The following RBL1 variants were observed in gnomAD, a reference collection of about 807,000 sequenced individuals.
RBL1 encodes RB transcriptional corepressor like 1.
In RBL1, 82 loss-of-function variants were observed where a neutral mutation model predicts 123.0. The ratio of observed to expected loss-of-function variants is 0.67; its 90% CI spans 0.56 to 0.80. The LOEUF (loss-of-function observed/expected upper bound fraction) is 0.80, where lower values mean the gene tolerates loss of function less well. RBL1 is among the 30% of genes least tolerant of loss of function. The probability of loss-of-function intolerance (pLI) is 0.00; values close to 1 mark genes in which losing one functional copy is unlikely to be tolerated. For missense variants in RBL1, 1,171 were observed against 1,299.6 expected (o/e 0.90, Z 1.52); for synonymous variants, 405 against 441.3 (o/e 0.92, Z 1.03).
chr20:37,023,334 G>T (rs1279179692), intron 16 of RBL1, among the ~76,000 whole-genome samples: 1 of 152,076 alleles, frequency 6.6e-6, no homozygotes, highest in Admixed American at 6.6e-5. Flanking sequence ...TGTTGGCCAG[G>T]CTGGTCTTTA....
intron 1 of RBL1, among the ~76,000 whole-genome samples, chr20:37,089,994 G>T (rs560593338): frequency 3.9e-4 from 60 of 152,358 alleles, no homozygotes; most frequent in Middle Eastern, 3.4e-3. Context: ...AGAGGTTGCA[G>T]TGAGTAGAGA....
intron 13 of RBL1, among the ~76,000 whole-genome samples, chr20:37,040,683 A>AT (rs1346603050): frequency 6.6e-6 from 1 of 152,088 alleles, no homozygotes; most frequent in African/African-American, 2.4e-5. Flanking sequence ...TTTTTTTACT[A>AT]TTTTATTTCT....
Position 37,007,423 on chromosome 20 carries a change from A to T in RBL1, c.2859T>A (p.Asn953Lys). Residue 953 changes from asparagine (N) to lysine (K), a missense_variant, in exon 20 of 22, where the codon AAT (asparagine) becomes AAA (lysine). Physicochemically the swap from Asn to Lys is moderately conservative, Grantham distance 94 (BLOSUM62 0). Transcript: ENST00000373664. Reference sequence around the variant, plus strand: ...ACATAGAACATACCATATGGTCCTGATTCGCCAAGTCGTATTTCAGTGCAA... The same window carrying T: ...ACATAGAACATACCATATGGTCCTGTTTCGCCAAGTCGTATTTCAGTGCAA... ...KSFALKYDLA[N>K]QDHMMDAPPL... 6.2e-7 allele frequency: 1 copy of T among 1,613,824 alleles called. No individual in the cohort carries two copies. Among genetic ancestry groups the T allele is most frequent in the East Asian group, 2.2e-5 (1 of 44,872 alleles).
intron 19 of RBL1, among the ~76,000 whole-genome samples, chr20:37,017,352 G>A (rs2146220606): frequency 6.7e-6 from 1 of 150,116 alleles, no homozygotes; most frequent in East Asian, 1.9e-4. Flanking sequence ...CAGTGTAGGT[G>A]ACAGAACAAA....
At chr20:37,062,416 T>C in intron 7 of RBL1, 146 bp from the exon 8 acceptor site, 1 of 1,362,820 alleles carries the variant, frequency 7.3e-7, no homozygotes, top group Non-Finnish European at 9.6e-7. Context: ...TATCAGAGGG[T>C]CCTACCTGAT....
At position 37,036,224 on chromosome 20, in the gene RBL1, T is replaced by C. The variant is rs190439224; in HGVS notation, c.1904-716A>G. Among the ~76,000 whole-genome samples, 225 of 152,314 alleles carry C rather than the reference T, an allele frequency of 1.5e-3. 1 individual carries two copies. The highest frequency in any genetic ancestry group is 1.4e-3 in the Non-Finnish European group (92 of 68,024). ...TTTTCTACATCTTTTTTCACAATTC[T>C]TCCCTCAACCAATTATTCCTTACAG... On this transcript the variant is annotated intron_variant, in intron 14 of 21. Transcript: ENST00000373664.
Position 37,056,274 on chromosome 20 carries a change from G to A in RBL1, c.1251-16C>T. The A allele has an allele frequency of 6.3e-7, 1 of 1,580,050 alleles. No homozygotes were observed. Among genetic ancestry groups the A allele is most frequent in the African/African-American group, 1.4e-5 (1 of 73,184 alleles). ...CACACAAGATCTACAAAATACAAGAGGAACCAATTACCAAACCAAACAAAA... is the reference window on the plus strand; with the variant it reads ...CACACAAGATCTACAAAATACAAGAAGAACCAATTACCAAACCAAACAAAA... On this transcript the variant is annotated splice_polypyrimidine_tract_variant and intron_variant, in intron 9 of 21. Coordinates refer to ENST00000373664, the MANE Select transcript of RBL1 (RefSeq NM_002895.5).
At chr20:37,005,809 A>C (rs1460573862) in intron 20 of RBL1, among the ~76,000 whole-genome samples, 1 of 152,024 alleles carries the variant, frequency 6.6e-6, no homozygotes, top group African/African-American at 2.4e-5. Context: ...AGAAATCTAC[A>C]GAGGCACATA....
chr20:37,013,288 C>G (rs1335006724), intron 19 of RBL1, among the ~76,000 whole-genome samples: 2 of 151,754 alleles, frequency 1.3e-5, no homozygotes, highest in African/African-American at 2.4e-5. Context: ...TGTGACCTTA[C>G]CCCCAACCCT....
At chr20:37,031,286 T>C (rs74635918) in intron 16 of RBL1, among the ~76,000 whole-genome samples, 1,573 of 152,128 alleles carry the variant, frequency 0.01, 25 homozygotes, top group African/African-American at 0.036. Context: ...TACTTGTAAA[T>C]AGTATATTTT....
chr20:37,034,745 A>C (rs2064574794), intron 15 of RBL1, among the ~76,000 whole-genome samples: 1 of 151,990 alleles, frequency 6.6e-6, no homozygotes. Flanking sequence ...GAGGGTAGTA[A>C]ATTTATAAAA....
intron 16 of RBL1, among the ~76,000 whole-genome samples, chr20:37,030,331 A>G (rs953589243): frequency 6.6e-6 from 1 of 152,238 alleles, no homozygotes; most frequent in Non-Finnish European, 1.5e-5. Context: ...AGCTCATTCA[A>G]TGGGAAAGGG....
intron 19 of RBL1, among the ~76,000 whole-genome samples, chr20:37,017,543 T>C (rs1600470974): frequency 6.6e-6 from 1 of 151,906 alleles, no homozygotes; most frequent in Non-Finnish European, 1.5e-5. Context: ...CTTAGCATGA[T>C]GGTGGCAAGA....
intron 16 of RBL1, among the ~76,000 whole-genome samples, chr20:37,027,166 C>T (rs75948581): frequency 6.6e-4 from 99 of 150,262 alleles, no homozygotes; most frequent in Middle Eastern, 3.4e-3. Flanking sequence ...GGAAACACAG[C>T]GAGACTCCAT....
At position 37,093,645 on chromosome 20, in the gene RBL1, A is replaced by T. The variant is rs1206609170; in HGVS notation, c.156+2128T>A. Reference sequence around the variant, plus strand: ...AAAGAGCAAGACCCTGTTTCTTTCCATTTTTTTTTTTTTTTTGAGATGGAG... The same window carrying T: ...AAAGAGCAAGACCCTGTTTCTTTCCTTTTTTTTTTTTTTTTTGAGATGGAG... On this transcript the variant is annotated intron_variant, in intron 1 of 21. Coordinates refer to ENST00000373664, the MANE Select transcript of RBL1 (RefSeq NM_002895.5). Among the ~76,000 whole-genome samples the T allele has an allele frequency of 2.9e-4, 40 of 136,326 alleles. 1 individual carries two copies. The highest frequency in any genetic ancestry group is 9.6e-5 in the Non-Finnish European group (6 of 62,262). 89.4% of individuals were successfully genotyped at this position (136,326 alleles called of 152,430 possible).
At position 37,065,829 on chromosome 20, in the gene RBL1, G is replaced by A. The variant is rs139826502; in HGVS notation, c.847-356C>T. 2.2e-3 allele frequency among the ~76,000 whole-genome samples: 333 copies of A among 152,084 alleles called. 2 individuals are homozygous for A. Among genetic ancestry groups the A allele is most frequent in the African/African-American group, 7.7e-3 (319 of 41,486 alleles). On this transcript the variant is annotated intron_variant, in intron 6 of 21. Transcript: ENST00000373664. The stretch of plus-strand genomic sequence containing the variant: ...AGGTTTTGCCATGTTGCTCAGGTTC[G>A]TCTGGAACTCTTGGGCTCAAGCAAT...
chr20:37,003,899 A>G lies in RBL1; in HGVS notation c.2872-33T>C, dbSNP rs377026790. The G allele has an allele frequency of 5.1e-4, 792 of 1,552,862 alleles. 1 individual carries two copies. Among genetic ancestry groups the G allele is most frequent in the Admixed American group, 1.3e-3 (66 of 50,562 alleles). ...AACCCAAAAGTCAGATTTTTTAGAT[A>G]AAAGTTTTTCTTTGTTTTTGAATCC... On this transcript the variant is annotated intron_variant, in intron 20 of 21. Transcript: ENST00000373664.
chr20:37,030,599 A>T (rs1237312446), intron 16 of RBL1, among the ~76,000 whole-genome samples: 2 of 152,066 alleles, frequency 1.3e-5, no homozygotes, highest in African/African-American at 4.8e-5. Context: ...TCACACCTGT[A>T]ATCCCAGCAC....
intron 6 of RBL1, among the ~76,000 whole-genome samples, chr20:37,066,456 A>G (rs910127145): frequency 1.3e-5 from 2 of 152,162 alleles, no homozygotes; most frequent in African/African-American, 4.8e-5. Context: ...CTGATGTTCT[A>G]TTCTTTACAA....
Sources: allele counts gnomAD v4.1 joint callset (sites outside exome capture counted in the v4.1 genomes callset), GRCh38; gene constraint gnomAD v4.1.1; transcripts MANE v1.5; gene names NCBI Gene and HGNC (gene_info 2026-07-23, HGNC 2026-07-21).